OPRM1: variants seen among roughly 807,000 people sequenced by gnomAD.
OPRM1 encodes the protein mu-type opioid receptor.
In OPRM1, 27 loss-of-function variants were observed where a neutral mutation model predicts 31.8. The ratio of observed to expected loss-of-function variants is 0.85; its 90% CI spans 0.63 to 1.17. The LOEUF (loss-of-function observed/expected upper bound fraction) is 1.17. Ranked by LOEUF, OPRM1 falls within the 50% of genes most tolerant of loss-of-function variation. The pLI, the probability that OPRM1 is intolerant of heterozygous loss-of-function variation, is 0.00. For missense variants in OPRM1, 536 were observed against 511.1 expected (o/e 1.05, Z -0.47); for synonymous variants, 196 against 189.9 (o/e 1.03, Z -0.26).
At chr6:154,061,260 T>C (rs113237866) in intron 1 of OPRM1, among the ~76,000 whole-genome samples, 5 of 152,090 alleles carry the variant, frequency 3.3e-5, no homozygotes, top group Non-Finnish European at 5.9e-5. Flanking sequence ...TAGAACAAAT[T>C]TGGAATAATT....
intron 1 of OPRM1, among the ~76,000 whole-genome samples, chr6:154,016,211 A>G (rs903813233): frequency 1.3e-5 from 2 of 152,192 alleles, no homozygotes; most frequent in Non-Finnish European, 2.9e-5. Flanking sequence ...GTTCATTAAT[A>G]AGGCACTGGT....
intron 3 of OPRM1, among the ~76,000 whole-genome samples, chr6:154,163,423 T>C (rs1222113475): frequency 6.6e-6 from 1 of 152,238 alleles, no homozygotes; most frequent in East Asian, 1.9e-4. Flanking sequence ...GCCTTTCATG[T>C]CCTTCCTAAT....
At chr6:154,088,947 T>C (rs2128481622) in intron 1 of OPRM1, among the ~76,000 whole-genome samples, 1 of 152,304 alleles carries the variant, frequency 6.6e-6, no homozygotes, top group East Asian at 1.9e-4. Flanking sequence ...GACCTGCTCC[T>C]ACCAAGTGTC....
chr6:154,176,581 A>T (rs933677918), intron 3 of OPRM1, among the ~76,000 whole-genome samples: 16 of 152,210 alleles, frequency 1.1e-4, no homozygotes, highest in Admixed American at 1.3e-4. Flanking sequence ...TACTATAAAG[A>T]GAATAAAATA....
chr6:154,100,092 CATATTATGATATAT>C (rs1562472091), intron 3 of OPRM1, among the ~76,000 whole-genome samples: 4 of 58,552 alleles, frequency 6.8e-5, no homozygotes, highest in Admixed American at 2.3e-4. Flanking sequence ...TATATATTAT[CATATTATGATATAT>C]ATATTATATA....
At chr6:154,059,189 CCTTG>C (rs1783918459) in intron 1 of OPRM1, among the ~76,000 whole-genome samples, 1 of 152,182 alleles carries the variant, frequency 6.6e-6, no homozygotes, top group African/African-American at 2.4e-5. Context: ...ATGCCTGTCT[CCTTG>C]CAAGTCAAAC....
chr6:154,031,458 G>A (rs534808385), intron 1 of OPRM1, among the ~76,000 whole-genome samples: 1 of 152,260 alleles, frequency 6.6e-6, no homozygotes, highest in South Asian at 2.1e-4. Flanking sequence ...TTATTGGCTG[G>A]GTGCGGTGGC....
At chr6:154,110,776 A>G (rs1270788393) in intron 3 of OPRM1, among the ~76,000 whole-genome samples, 1 of 149,102 alleles carries the variant, frequency 6.7e-6, no homozygotes. Flanking sequence ...AGTCCCAGCT[A>G]CTCGGGAGGC....
At chr6:154,091,498 A>G (rs1486030051) in intron 3 of OPRM1, 26 bp downstream of exon 3, 4 of 1,590,396 alleles carry the variant, frequency 2.5e-6, no homozygotes, top group South Asian at 2.3e-5. Context: ...AATTAGGTAT[A>G]TCTACTGGGG....
chr6:154,174,511 G>T (rs1326876956), intron 3 of OPRM1, among the ~76,000 whole-genome samples: 1 of 151,968 alleles, frequency 6.6e-6, no homozygotes, highest in African/African-American at 2.4e-5. Flanking sequence ...AAAAAAGCAG[G>T]GGTTGCAATC....
At chr6:154,050,933 A>G (rs573651813) in intron 1 of OPRM1, among the ~76,000 whole-genome samples, 5 of 152,306 alleles carry the variant, frequency 3.3e-5, no homozygotes, top group South Asian at 2.1e-4. Flanking sequence ...TAAAATATAT[A>G]TTAGCATGTT....
rs1258269157 is a variant in OPRM1 at position 154,125,261 on chromosome 6, G to A, written c.*6540G>A. 6.6e-6 allele frequency among the ~76,000 whole-genome samples: 1 copy of A among 152,156 alleles called. No homozygotes were observed. The highest frequency in any genetic ancestry group is 1.5e-5 in the Non-Finnish European group (1 of 68,028). ...CATGTAAGGGGCTACTGACAATTTT[G>A]ATGGTACCTGAATTTGCCTCTATCA... is the stretch of plus-strand genomic sequence containing the variant. On this transcript the variant is annotated 3_prime_UTR_variant, in exon 4 of 4. Coordinates refer to ENST00000330432, the MANE Select transcript of OPRM1 (RefSeq NM_000914.5).
At chr6:154,085,066 T>G (rs763433127) in intron 1 of OPRM1, among the ~76,000 whole-genome samples, 27 of 152,184 alleles carry the variant, frequency 1.8e-4, no homozygotes, top group Non-Finnish European at 1.5e-4. Flanking sequence ...AAACAGAAGT[T>G]TACAAAACCC....
chr6:154,175,391 T>TG, intron 3 of OPRM1, among the ~76,000 whole-genome samples: 1 of 151,326 alleles, frequency 6.6e-6, no homozygotes, highest in African/African-American at 2.4e-5. Flanking sequence ...AGGAGCTTTT[T>TG]TTTTTTTGAA....
At chr6:154,112,515 A>G (rs1466258768) in intron 3 of OPRM1, among the ~76,000 whole-genome samples, 1 of 152,236 alleles carries the variant, frequency 6.6e-6, no homozygotes, top group Non-Finnish European at 1.5e-5. Flanking sequence ...CTTTTGTAGC[A>G]AGCAGTAAAC....
rs532874855 is a variant in OPRM1, at chr6:154,173,641, G to A, written c.1165-73052G>A. Among the ~76,000 whole-genome samples, 38 of 152,126 alleles carry A rather than the reference G, an allele frequency of 2.5e-4. 1 individual carries two copies. Among genetic ancestry groups the A allele is most frequent in the African/African-American group, 8.2e-4 (34 of 41,488 alleles). On this transcript the variant is annotated intron_variant, in intron 3 of 3. Coordinates refer to the OPRM1 transcript ENST00000337049. ...TATAGAAAAAAGAATGAAAAGAAACGAACAAAGCCTCCAAGAAATATGGGA... is the reference window on the plus strand; with the variant it reads ...TATAGAAAAAAGAATGAAAAGAAACAAACAAAGCCTCCAAGAAATATGGGA...
intron 3 of OPRM1, among the ~76,000 whole-genome samples, chr6:154,232,880 G>A (rs1235795396): frequency 6.6e-6 from 1 of 151,808 alleles, no homozygotes; most frequent in Non-Finnish European, 1.5e-5. Flanking sequence ...ATTATTATTA[G>A]TTCCTAGGAA....
chr6:154,053,447 T>G (rs1782587034), intron 1 of OPRM1, among the ~76,000 whole-genome samples: 2 of 152,206 alleles, frequency 1.3e-5, no homozygotes, highest in Admixed American at 6.5e-5. Context: ...CTGACTTACA[T>G]ATTGCTCATT....
intron 3 of OPRM1, among the ~76,000 whole-genome samples, chr6:154,152,322 A>G (rs1282559667): frequency 2.3e-5 from 1 of 42,994 alleles, no homozygotes; most frequent in Non-Finnish European, 5.2e-5. Context: ...AAAGAAAGAA[A>G]GAAAGAAAGA....
Sources: gnomAD v4.1 joint callset for allele counts (sites outside exome capture counted in the v4.1 genomes callset) on GRCh38, gnomAD v4.1.1 for gene constraint, MANE v1.5 for transcripts, NCBI Gene and HGNC (gene_info 2026-07-23, HGNC 2026-07-21) for gene names.